Variants in SLIT2 observed in about 807,000 individuals in gnomAD.
SLIT2 encodes the protein slit homolog 2 protein.
Under a neutral mutation model 185.7 loss-of-function variants are expected in SLIT2, and 41 were observed. The ratio of observed to expected loss-of-function variants is 0.22; its 90% CI spans 0.17 to 0.29. SLIT2 has a LOEUF of 0.29. SLIT2 is among the 10% of genes least tolerant of loss of function. The pLI is 1.00. For missense variants in SLIT2, 1,571 were observed against 1,909.0 expected, an observed-to-expected ratio of 0.82 and a Z score of 3.30; for synonymous variants, 693 against 680.2, an observed-to-expected ratio of 1.02 and a Z score of -0.29.
rs1577863098 is a variant in SLIT2 at position 20,528,966 on chromosome 4, T to C, written c.1480T>C (p.Ser494Pro). 1.9e-6 allele frequency: 3 copies of C among 1,613,922 alleles called. No homozygotes were observed. Among genetic ancestry groups the C allele is most frequent in the Non-Finnish European group, 2.5e-6 (3 of 1,179,888 alleles). The change falls in exon 16 of 37, where the codon TCA (serine) becomes CCA (proline). Residue 494 changes from serine to proline, a missense_variant. By Grantham distance (74) the Ser-to-Pro change is moderately conservative. Around this residue, in one of 3 missense-constraint regions of SLIT2, gnomAD observed 1,202 missense variants for 1,416.4 expected, o/e 0.85. Transcript: ENST00000504154. The surrounding 1 kb of genome is among the most constrained non-coding windows in gnomAD (Gnocchi z 4.2). Reference protein sequence around the residue: ...YFIPGTEDYRSKLSGDCFADL... With the variant: ...YFIPGTEDYRPKLSGDCFADL... ...CTCAATAGGTACAGAAGATTATCGA[T>C]CAAAATTAAGTGGAGACTGCTTTGC... is the stretch of plus-strand genomic sequence containing the variant.
At position 20,252,591 on chromosome 4, in the gene SLIT2, G is replaced by C. The variant is rs1056413911; in HGVS notation, c.-1225G>C. 1.3e-5 allele frequency among the ~76,000 whole-genome samples: 2 copies of C among 152,236 alleles called. No homozygotes were observed. Among genetic ancestry groups the C allele is most frequent in the Admixed American group, 6.5e-5 (1 of 15,292 alleles). ...ACTAGTGGGAGACCGCCGGGGGCCG[G>C]CCGTGGCTCTGCGCCCTCCGGAACC... is the stretch of plus-strand genomic sequence containing the variant. On this transcript the variant is annotated 5_prime_UTR_variant, in exon 1 of 37. Coordinates refer to ENST00000504154, the MANE Select transcript of SLIT2 (RefSeq NM_004787.4).
At chr4:20,453,910 G>C in intron 4 of SLIT2, among the ~76,000 whole-genome samples, 1 of 152,214 alleles carries the variant, frequency 6.6e-6, no homozygotes, top group Admixed American at 6.5e-5. Flanking sequence ...TGGCCAGAAA[G>C]TGGCAGAGCC....
chr4:20,383,899 T>C (rs1176522450), intron 4 of SLIT2, among the ~76,000 whole-genome samples: 3 of 152,004 alleles, frequency 2.0e-5, no homozygotes, highest in African/African-American at 7.3e-5. Context: ...AGAGATGGGG[T>C]TTCACCATGT....
At chr4:20,273,657 C>A (rs983976600) in intron 4 of SLIT2, among the ~76,000 whole-genome samples, 4 of 152,028 alleles carry the variant, frequency 2.6e-5, no homozygotes, top group African/African-American at 9.7e-5. Flanking sequence ...CAAAATGATC[C>A]ATTTTTCACC....
chr4:20,584,756 C>G (rs969429298), intron 29 of SLIT2, among the ~76,000 whole-genome samples: 1 of 152,120 alleles, frequency 6.6e-6, no homozygotes, highest in African/African-American at 2.4e-5. Context: ...CAGACAAAAT[C>G]AGGAAGAGGT....
intron 9 of SLIT2, among the ~76,000 whole-genome samples, chr4:20,506,418 T>A (rs1719210734): frequency 6.6e-6 from 1 of 151,998 alleles, no homozygotes; most frequent in African/African-American, 2.4e-5. Context: ...AACAATGGAT[T>A]CAAATTTGCA....
chr4:20,609,303 T>G (rs1729029821), intron 33 of SLIT2, among the ~76,000 whole-genome samples: 1 of 152,120 alleles, frequency 6.6e-6, no homozygotes, highest in Admixed American at 6.6e-5. Flanking sequence ...CCCTTGAAAA[T>G]TATAGAAAAG....
intron 12 of SLIT2, among the ~76,000 whole-genome samples, chr4:20,523,402 C>T (rs1721010245): frequency 9.0e-6 from 1 of 111,714 alleles, no homozygotes; most frequent in Non-Finnish European, 2.0e-5. Flanking sequence ...CACAGAGTGT[C>T]CTGAGGGATT....
chr4:20,326,290 ATTG>A (rs921732505), intron 4 of SLIT2, among the ~76,000 whole-genome samples: 6 of 151,812 alleles, frequency 4.0e-5, no homozygotes, highest in African/African-American at 1.2e-4. Flanking sequence ...TGTCTTGTTT[ATTG>A]TTGTTGTTGT....
intron 4 of SLIT2, among the ~76,000 whole-genome samples, chr4:20,425,402 A>G (rs867733309): frequency 1.3e-5 from 2 of 152,092 alleles, no homozygotes; most frequent in Admixed American, 6.5e-5. Context: ...ACCATTGTCC[A>G]TTTCTCCTGA....
At position 20,433,855 on chromosome 4, in the gene SLIT2, T is replaced by C. The variant is rs190965723; in HGVS notation, c.396-33897T>C. 2.7e-3 allele frequency among the ~76,000 whole-genome samples: 406 copies of C among 152,342 alleles called. 1 individual carries two copies. Among genetic ancestry groups the C allele is most frequent in the African/African-American group, 7.9e-3 (330 of 41,580 alleles). On this transcript the variant is annotated intron_variant, in intron 4 of 36. Coordinates refer to ENST00000504154, the MANE Select transcript of SLIT2 (RefSeq NM_004787.4). ...ACTCATCTTTAATTACTGTGAGTGA[T>C]ACATACGTTTAGAGGGTCAAGTTCC...
intron 18 of SLIT2, among the ~76,000 whole-genome samples, chr4:20,538,150 C>A (rs1485537598): frequency 1.3e-5 from 2 of 152,094 alleles, no homozygotes; most frequent in African/African-American, 4.8e-5. Flanking sequence ...TTAGTAGAGA[C>A]CAGGTTTCAC....
intron 30 of SLIT2, among the ~76,000 whole-genome samples, chr4:20,592,892 A>G (rs928794846): frequency 2.6e-5 from 4 of 152,126 alleles, no homozygotes; most frequent in African/African-American, 7.2e-5. Flanking sequence ...CAGTGAGCTC[A>G]TTTTATTTCT....
Position 20,620,302 on chromosome 4 carries a change from A to G in SLIT2, c.*1293A>G, listed in dbSNP as rs867229710. ...TTCCCTCAAACAATAAAACTCCTTT[A>G]TTATCTTAATGCTCCCATGTTAACA... is the stretch of plus-strand genomic sequence containing the variant. On this transcript the variant is annotated 3_prime_UTR_variant, in exon 37 of 37. Coordinates refer to ENST00000504154, the MANE Select transcript of SLIT2 (RefSeq NM_004787.4). The G allele has an allele frequency of 2.5e-4, 93 of 375,868 alleles. No individual in the cohort carries two copies. The highest frequency in any genetic ancestry group is 1.8e-3 in the South Asian group (90 of 49,708). The allele number at this position is 375,868 out of a possible 1,614,324, so 23.3% of individuals were successfully genotyped here.
chr4:20,617,428 C>T lies in SLIT2; in HGVS notation c.4137-11C>T. The T allele has an allele frequency of 3.1e-6, 5 of 1,612,278 alleles. No individual in the cohort carries two copies. Among genetic ancestry groups the T allele is most frequent in the South Asian group, 1.1e-5 (1 of 90,972 alleles). On this transcript the variant is annotated splice_polypyrimidine_tract_variant and intron_variant, in intron 35 of 36. Coordinates refer to ENST00000504154, the MANE Select transcript of SLIT2 (RefSeq NM_004787.4). The stretch of plus-strand genomic sequence containing the variant: ...AATGCATTCCCACTCCTGTGTTCCT[C>T]CTCCCTGTAGATGCGTACATGGCAC...
rs1491282044 is a variant in SLIT2 at position 20,472,546 on chromosome 4, CTATATA to C, written c.467+4726_467+4731del. ...TATCTATATATAGATATATCTATAT[CTATATA>C]TAGATATATATCTATATATAGATAT... On this transcript the variant is annotated intron_variant, in intron 5 of 36. Coordinates refer to ENST00000504154, the MANE Select transcript of SLIT2 (RefSeq NM_004787.4). Among the ~76,000 whole-genome samples the C allele has an allele frequency of 4.5e-4, 2 of 4,476 alleles. 1 individual carries two copies. Among genetic ancestry groups the C allele is most frequent in the Non-Finnish European group, 6.5e-4 (2 of 3,076 alleles). The allele number at this position is 4,476 out of a possible 152,430, so 2.9% of individuals were successfully genotyped here.
intron 1 of SLIT2, among the ~76,000 whole-genome samples, chr4:20,255,829 A>G (rs1356576702): frequency 6.6e-6 from 1 of 152,182 alleles, no homozygotes; most frequent in Non-Finnish European, 1.5e-5. Flanking sequence ...GATTTCAAAC[A>G]TGATGTTGTA....
intron 24 of SLIT2, among the ~76,000 whole-genome samples, chr4:20,549,744 TA>T (rs925064448): frequency 3.3e-5 from 5 of 151,606 alleles, no homozygotes; most frequent in East Asian, 1.9e-4. Context: ...TATATATGAA[TA>T]AAAATATATA....
intron 4 of SLIT2, among the ~76,000 whole-genome samples, chr4:20,271,701 T>TA (rs1362681141): frequency 2.6e-5 from 4 of 151,890 alleles, no homozygotes; most frequent in African/African-American, 9.7e-5. Context: ...ATATCACTAA[T>TA]AAAAAAGTTT....
Sources: allele counts gnomAD v4.1 joint callset (sites outside exome capture counted in the v4.1 genomes callset), GRCh38; gene constraint gnomAD v4.1.1; regional missense constraint gnomAD v4.1.1; non-coding constraint Gnocchi (gnomAD v3.1); transcripts MANE v1.5; gene names NCBI Gene and HGNC (gene_info 2026-07-23, HGNC 2026-07-21).